TMEM132B: variants seen among roughly 807,000 people sequenced by gnomAD.
TMEM132B encodes the protein transmembrane protein 132B.
A neutral mutation model predicts 90.8 loss-of-function variants in TMEM132B; 18 were observed. The ratio of observed to expected loss-of-function variants is 0.20; its 90% CI spans 0.14 to 0.29. The LOEUF (loss-of-function observed/expected upper bound fraction) is 0.29, where lower values mean the gene tolerates loss of function less well. Among genes scored for constraint, TMEM132B ranks in the 10% least tolerant of loss-of-function variants. The pLI is 1.00. For synonymous variants in TMEM132B, 504 were observed against 523.3 expected, an observed-to-expected ratio of 0.96 and a Z score of 0.50; for missense variants, 1,096 against 1,326.8, an observed-to-expected ratio of 0.83 and a Z score of 2.70.
intron 1 of TMEM132B, among the ~76,000 whole-genome samples, chr12:125,336,020 C>G: frequency 6.6e-6 from 1 of 152,140 alleles, no homozygotes; most frequent in East Asian, 1.9e-4. Context: ...ACATTTCACC[C>G]TTTTTGGTAT....
At chr12:125,641,243 C>T (rs1055714193) in intron 5 of TMEM132B, among the ~76,000 whole-genome samples, 1 of 152,204 alleles carries the variant, frequency 6.6e-6, no homozygotes, top group Non-Finnish European at 1.5e-5. Flanking sequence ...TTTCCCCTCT[C>T]TGTGCAATTC....
chr12:125,521,568 A>C (rs1282758552), intron 4 of TMEM132B, among the ~76,000 whole-genome samples: 3 of 152,186 alleles, frequency 2.0e-5, no homozygotes, highest in African/African-American at 7.2e-5. Context: ...AACAGAAGAG[A>C]GCTGGGCACC....
intron 4 of TMEM132B, among the ~76,000 whole-genome samples, chr12:125,556,337 CTA>C (rs1884385792): frequency 6.6e-6 from 1 of 152,188 alleles, no homozygotes; most frequent in African/African-American, 2.4e-5. Context: ...ACGTCAAAGA[CTA>C]TGATTAGAAC....
chr12:125,338,494 C>A (rs12099832), intron 1 of TMEM132B, among the ~76,000 whole-genome samples: 13,069 of 152,214 alleles, frequency 0.086, 734 homozygotes, highest in African/African-American at 0.15. Flanking sequence ...TCTGGTTTTT[C>A]CTGAGGATGG....
At chr12:125,388,906 C>A (rs1225963196) in intron 2 of TMEM132B, among the ~76,000 whole-genome samples, 2 of 152,036 alleles carry the variant, frequency 1.3e-5, no homozygotes, top group Non-Finnish European at 2.9e-5. Context: ...AAAGCAATTC[C>A]TACTAGTTAC....
chr12:125,474,897 C>G (rs1881830717), intron 3 of TMEM132B, among the ~76,000 whole-genome samples: 3 of 152,328 alleles, frequency 2.0e-5, no homozygotes, highest in Middle Eastern at 3.4e-3. Flanking sequence ...TCTGGTCTTG[C>G]AACAATCCCT....
chr12:125,454,375 C>CGTGTGT (rs549820136), intron 3 of TMEM132B, among the ~76,000 whole-genome samples: 3 of 119,856 alleles, frequency 2.5e-5, no homozygotes, highest in South Asian at 2.4e-4. Context: ...TACAGCCAGC[C>CGTGTGT]GTGTGTGTGT....
At chr12:125,555,279 A>G (rs1037610802) in intron 4 of TMEM132B, among the ~76,000 whole-genome samples, 6 of 152,104 alleles carry the variant, frequency 3.9e-5, no homozygotes, top group African/African-American at 1.4e-4. Context: ...TAAACTTTAA[A>G]TAGGTATATT....
At chr12:125,627,384 G>T (rs561871503) in intron 5 of TMEM132B, among the ~76,000 whole-genome samples, 1 of 151,786 alleles carries the variant, frequency 6.6e-6, no homozygotes, top group African/African-American at 2.4e-5. Flanking sequence ...TGGACATTTT[G>T]TATATCATAT....
At chr12:125,272,245 T>C (rs962915269) in intron 1 of TMEM132B, among the ~76,000 whole-genome samples, 2 of 152,240 alleles carry the variant, frequency 1.3e-5, no homozygotes, top group African/African-American at 4.8e-5. Flanking sequence ...GGGAAAGGGC[T>C]GTGGAGGGCT....
chr12:125,192,097 A>G (rs947864359), intron 1 of TMEM132B, among the ~76,000 whole-genome samples: 6 of 152,228 alleles, frequency 3.9e-5, no homozygotes, highest in Non-Finnish European at 8.8e-5. Context: ...GTAACACAAT[A>G]ACTAACCCTG....
chr12:125,302,433 C>T (rs1875854868), intron 1 of TMEM132B, among the ~76,000 whole-genome samples: 1 of 151,808 alleles, frequency 6.6e-6, no homozygotes, highest in South Asian at 2.1e-4. Context: ...GAATCATCAA[C>T]CTGCAGAGGG....
At chr12:125,293,702 T>G (rs10773155) in intron 1 of TMEM132B, among the ~76,000 whole-genome samples, 57,704 of 152,164 alleles carry the variant, frequency 0.38, 11,295 homozygotes, top group East Asian at 0.54. Context: ...CCACCACTAA[T>G]GGGCACCTAG....
intron 1 of TMEM132B, among the ~76,000 whole-genome samples, chr12:125,256,160 G>A (rs1290504258): frequency 6.6e-6 from 1 of 152,198 alleles, no homozygotes; most frequent in Non-Finnish European, 1.5e-5. Context: ...AGAGACAGAG[G>A]CCAGCTTCAG....
intron 1 of TMEM132B, among the ~76,000 whole-genome samples, chr12:125,291,472 C>T (rs918308558): frequency 6.6e-6 from 1 of 152,192 alleles, no homozygotes; most frequent in African/African-American, 2.4e-5. Context: ...ATTCTCCATG[C>T]TGGCTCTGAA....
intron 4 of TMEM132B, among the ~76,000 whole-genome samples, chr12:125,533,065 G>C (rs548329279): frequency 1.4e-4 from 22 of 152,252 alleles, no homozygotes; most frequent in Non-Finnish European, 2.1e-4. Flanking sequence ...GGAGATGTGA[G>C]ATGCATGTGC....
At chr12:125,207,302 C>G (rs1037759312) in intron 1 of TMEM132B, among the ~76,000 whole-genome samples, 3 of 152,236 alleles carry the variant, frequency 2.0e-5, no homozygotes, top group East Asian at 1.9e-4. Flanking sequence ...GTTCACTCCA[C>G]TGGCATTTAG....
chr12:125,469,531 C>T (rs1881655410), intron 3 of TMEM132B, among the ~76,000 whole-genome samples: 1 of 151,998 alleles, frequency 6.6e-6, no homozygotes, highest in African/African-American at 2.4e-5. Context: ...GTAGGTGTGC[C>T]TGGGTCTTTG....
At chr12:125,233,190 T>C (rs562342752) in intron 1 of TMEM132B, among the ~76,000 whole-genome samples, 1 of 152,328 alleles carries the variant, frequency 6.6e-6, no homozygotes, top group East Asian at 1.9e-4. Flanking sequence ...TCAACAGTCA[T>C]GTAGAAGTAG....
Sources: gnomAD v4.1 joint callset for allele counts (sites outside exome capture counted in the v4.1 genomes callset) on GRCh38, gnomAD v4.1.1 for gene constraint, MANE v1.5 for transcripts, NCBI Gene and HGNC (gene_info 2026-07-23, HGNC 2026-07-21) for gene names.